EPHA5: variants seen among roughly 807,000 people sequenced by gnomAD.
The protein encoded by EPHA5 is ephrin type-A receptor 5.
EPHA5 carries 60 observed loss-of-function variants against 105.0 expected under a neutral mutation model. That is an observed-to-expected ratio of 0.57 (90% confidence interval 0.46 to 0.71). The LOEUF is 0.71. Ranked by LOEUF, EPHA5 falls within the 30% of genes least tolerant of loss-of-function variation. The probability of loss-of-function intolerance (pLI) is 0.00; values close to 1 mark genes in which losing one functional copy is unlikely to be tolerated. For synonymous variants in EPHA5, 513 were observed against 449.1 expected (o/e 1.14, Z -1.80); for missense variants, 1,218 against 1,274.7 (o/e 0.96, Z 0.68).
rs373852688 is a variant in EPHA5, at chr4:65,656,238, A to C, written c.182-12811T>G. On this transcript the variant is annotated intron_variant, in intron 1 of 16. Coordinates refer to ENST00000613740, the MANE Select transcript of EPHA5 (RefSeq NM_001281766.3). Reference sequence around the variant, plus strand: ...ATCCATCAGATAATCAGTGAAAATTAAAAATATTATTCATGGCATCCTTCA... The same window carrying C: ...ATCCATCAGATAATCAGTGAAAATTCAAAATATTATTCATGGCATCCTTCA... Among the ~76,000 whole-genome samples the C allele has an allele frequency of 3.0e-4, 45 of 151,762 alleles. 2 individuals are homozygous for C. The South Asian group carries it at 9.3e-3, about 31-fold the overall frequency.
At chr4:65,617,321 G>A (rs1463588640) in intron 2 of EPHA5, among the ~76,000 whole-genome samples, 3 of 151,870 alleles carry the variant, frequency 2.0e-5, no homozygotes, top group Non-Finnish European at 1.5e-5. Context: ...TTGTCATTGG[G>A]GCAAACCTGT....
intron 3 of EPHA5, among the ~76,000 whole-genome samples, chr4:65,521,544 A>G (rs1380856073): frequency 6.6e-6 from 1 of 151,914 alleles, no homozygotes; most frequent in Non-Finnish European, 1.5e-5. Context: ...AAAGGTTAAA[A>G]TCTGTTATGT....
chr4:65,658,258 A>C (rs1214281964), intron 1 of EPHA5, among the ~76,000 whole-genome samples: 1 of 152,054 alleles, frequency 6.6e-6, no homozygotes, highest in African/African-American at 2.4e-5. Flanking sequence ...GCAGTTCTTC[A>C]CCGCAGGAGC....
At chr4:65,356,263 GAT>G (rs995913320) in intron 11 of EPHA5, among the ~76,000 whole-genome samples, 1 of 150,692 alleles carries the variant, frequency 6.6e-6, no homozygotes, top group Non-Finnish European at 1.5e-5. Flanking sequence ...TATATTTTAG[GAT>G]CTCTTTTTAG....
At chr4:65,587,223 A>G (rs534023089) in intron 3 of EPHA5, among the ~76,000 whole-genome samples, 1 of 152,154 alleles carries the variant, frequency 6.6e-6, no homozygotes, top group Admixed American at 6.6e-5. Flanking sequence ...TGAAAAATCT[A>G]AAGATCCCAC....
At chr4:65,367,522 TA>T in intron 8 of EPHA5, 98 bp from the exon 9 acceptor site, 1 of 1,089,728 alleles carries the variant, frequency 9.2e-7, no homozygotes, top group Admixed American at 1.8e-5. Flanking sequence ...ATTGCAACCC[TA>T]AACTGATTTT....
chr4:65,340,845 T>C (rs564153391), intron 14 of EPHA5, among the ~76,000 whole-genome samples: 3 of 152,302 alleles, frequency 2.0e-5, no homozygotes, highest in African/African-American at 7.2e-5. Context: ...GCTGCTGTGC[T>C]GTAAAGCCCT....
intron 5 of EPHA5, among the ~76,000 whole-genome samples, chr4:65,481,294 T>C (rs1730338540): frequency 6.6e-6 from 1 of 152,222 alleles, no homozygotes; most frequent in South Asian, 2.1e-4. Flanking sequence ...CAAGTCTTTT[T>C]CCATGAATTC....
chr4:65,650,365 G>A (rs1460328846), intron 1 of EPHA5, among the ~76,000 whole-genome samples: 1 of 143,146 alleles, frequency 7.0e-6, no homozygotes, highest in Admixed American at 7.2e-5. Context: ...GGCTAACACA[G>A]TGAAACCCGG....
At chr4:65,515,592 T>C (rs138778594) in intron 3 of EPHA5, among the ~76,000 whole-genome samples, 1 of 152,168 alleles carries the variant, frequency 6.6e-6, no homozygotes, top group Admixed American at 6.6e-5. Context: ...TTTGTGAAAA[T>C]TTATAGGATT....
At chr4:65,340,540 T>C (rs6826054) in intron 14 of EPHA5, among the ~76,000 whole-genome samples, 104,750 of 151,858 alleles carry the variant, frequency 0.69, 36,387 homozygotes, top group East Asian at 0.77. Flanking sequence ...CCAGTTAAGC[T>C]ACCATGACCT....
At position 65,420,550 on chromosome 4, in the gene EPHA5, G is replaced by A. The variant is rs769104997; in HGVS notation, c.1418C>T (p.Thr473Ile). The A allele has an allele frequency of 1.2e-6, 2 of 1,612,642 alleles. No individual in the cohort carries two copies. The highest frequency in any genetic ancestry group is 1.7e-5 in the Admixed American group (1 of 59,916). ...TTNQAAPSPV[T>I]NVKKGKIAKN... ...TGCAATTTTCCCTTTTTTCACATTG[G>A]TGACTGGAGATGGAGCTGCAAAATA... is the stretch of plus-strand genomic sequence containing the variant. Residue 473 changes from threonine to isoleucine, a missense_variant, in exon 6 of 17, where the codon ACC (threonine) becomes ATC (isoleucine). Around this residue, in one of 3 missense-constraint regions of EPHA5, gnomAD observed 971 missense variants for 1,013.5 expected, o/e 0.96. Coordinates refer to ENST00000613740, the MANE Select transcript of EPHA5 (RefSeq NM_001281766.3).
intron 1 of EPHA5, among the ~76,000 whole-genome samples, chr4:65,647,457 C>T (rs554982354): frequency 6.6e-6 from 1 of 151,524 alleles, no homozygotes; most frequent in Non-Finnish European, 1.5e-5. Flanking sequence ...AGCATAGTCA[C>T]TAAGTATCTT....
chr4:65,409,345 A>AT (rs1560506424), intron 7 of EPHA5, among the ~76,000 whole-genome samples: 14 of 130,932 alleles, frequency 1.1e-4, no homozygotes, highest in African/African-American at 1.7e-4. Context: ...TATAATAATA[A>AT]AAAATAAATA....
At chr4:65,623,425 C>T (rs1745874397) in intron 2 of EPHA5, among the ~76,000 whole-genome samples, 1 of 151,816 alleles carries the variant, frequency 6.6e-6, no homozygotes, top group East Asian at 1.9e-4. Flanking sequence ...TGTGGAGACA[C>T]AACATTGAAA....
chr4:65,605,073 T>C lies in EPHA5; in HGVS notation c.247-2769A>G, dbSNP rs554006518. 6.0e-4 allele frequency among the ~76,000 whole-genome samples: 91 copies of C among 152,286 alleles called. 1 individual carries two copies. The highest frequency in any genetic ancestry group is 1.0e-3 in the Non-Finnish European group (69 of 68,012). ...CCTGAGCCCATGCTTTCCTGTACGT[T>C]TATTTCCTCCTTATTGCCCATTCTT... On this transcript the variant is annotated intron_variant, in intron 2 of 16. Coordinates refer to ENST00000613740, the MANE Select transcript of EPHA5 (RefSeq NM_001281766.3).
intron 1 of EPHA5, among the ~76,000 whole-genome samples, chr4:65,667,910 A>G (rs958538806): frequency 6.6e-5 from 10 of 152,188 alleles, no homozygotes; most frequent in Admixed American, 3.9e-4. Context: ...GACAGTTAAT[A>G]AAAGAGCCTC....
chr4:65,651,072 G>C (rs901813001), intron 1 of EPHA5, among the ~76,000 whole-genome samples: 1 of 152,142 alleles, frequency 6.6e-6, no homozygotes, highest in Non-Finnish European at 1.5e-5. Context: ...CAAAGGAAGG[G>C]AATTTAGGTA....
At chr4:65,495,687 C>G (rs1183952188) in intron 3 of EPHA5, 144 bp from the exon 4 acceptor site, 4 of 607,514 alleles carry the variant, frequency 6.6e-6, no homozygotes, top group Non-Finnish European at 1.1e-5. Context: ...TCATAAGCTT[C>G]TGGATCATAA....
Sources: allele counts gnomAD v4.1 joint callset (sites outside exome capture counted in the v4.1 genomes callset), GRCh38; gene constraint gnomAD v4.1.1; regional missense constraint gnomAD v4.1.1; transcripts MANE v1.5; gene names NCBI Gene and HGNC (gene_info 2026-07-23, HGNC 2026-07-21).